The following KCNK1 variants were observed in gnomAD, a reference collection of about 807,000 sequenced individuals.
KCNK1 encodes potassium two pore domain channel subfamily K member 1.
KCNK1 carries 10 observed loss-of-function variants against 22.2 expected under a neutral mutation model. The ratio of observed to expected loss-of-function variants is 0.45; its 90% confidence interval spans 0.28 to 0.76. KCNK1 has a LOEUF of 0.76. Ranked by LOEUF, KCNK1 falls within the 30% of genes least tolerant of loss-of-function variation. KCNK1 has a pLI of 0.14. For missense variants in KCNK1, 378 were observed against 421.0 expected, an observed-to-expected ratio of 0.90 and a Z score of 0.89; for synonymous variants, 200 against 186.4, an observed-to-expected ratio of 1.07 and a Z score of -0.60.
chr1:233,653,023 C>T (rs1347019490), intron 1 of KCNK1, among the ~76,000 whole-genome samples: 1 of 152,218 alleles, frequency 6.6e-6, no homozygotes, highest in Non-Finnish European at 1.5e-5. Flanking sequence ...AGCCCCATCC[C>T]CCAGCCACCT....
rs1423408082 is a variant in KCNK1, at chr1:233,672,439, G to A, written c.*909G>A. 5 of 151,366 alleles carry A rather than the reference G, an allele frequency of 3.3e-5. No homozygotes were observed. Among genetic ancestry groups the A allele is most frequent in the Admixed American group, 6.6e-5 (1 of 15,138 alleles). The allele number at this position is 151,366 out of a possible 1,614,324, so 9.4% of individuals were successfully genotyped here. A position where few individuals can be genotyped will look rare whatever the true frequency, so the allele number is the denominator to read the frequency against. ...AGAACTTAAACACGAATCCCTAAATGAACAGATTATGTTACATTAATCTGA... is the reference window on the plus strand; with the variant it reads ...AGAACTTAAACACGAATCCCTAAATAAACAGATTATGTTACATTAATCTGA... On this transcript the variant is annotated 3_prime_UTR_variant, in exon 3 of 3. Transcript: ENST00000366621.
At chr1:233,648,162 G>T (rs1658130567) in intron 1 of KCNK1, among the ~76,000 whole-genome samples, 1 of 152,162 alleles carries the variant, frequency 6.6e-6, no homozygotes, top group Non-Finnish European at 1.5e-5. Context: ...TCCTGTTTAT[G>T]TGGTAAGATA....
intron 1 of KCNK1, among the ~76,000 whole-genome samples, chr1:233,654,430 A>G (rs748623514): frequency 2.6e-5 from 4 of 152,250 alleles, no homozygotes; most frequent in Admixed American, 6.5e-5. Context: ...TGCAGAAGGT[A>G]GAGCGGTGAA....
At chr1:233,614,782 C>A (rs3820134) in intron 1 of KCNK1, among the ~76,000 whole-genome samples, 49,993 of 152,000 alleles carry the variant, frequency 0.33, 8,416 homozygotes, top group South Asian at 0.41. Context: ...TGACTCCAGA[C>A]GTGACTTGGT....
At chr1:233,636,304 C>G (rs566570780) in intron 1 of KCNK1, among the ~76,000 whole-genome samples, 4 of 152,042 alleles carry the variant, frequency 2.6e-5, no homozygotes, top group African/African-American at 4.8e-5. Context: ...AGGCTGGGGC[C>G]GATCAGGGAG....
chr1:233,641,945 A>G (rs1368713378), intron 1 of KCNK1, among the ~76,000 whole-genome samples: 1 of 152,212 alleles, frequency 6.6e-6, no homozygotes, highest in Non-Finnish European at 1.5e-5. Context: ...ATTAGTGAAT[A>G]AAATTTGTTG....
In KCNK1 at chr1:233,663,088, C is replaced by T. The variant is rs1458526242; in HGVS notation, c.356-3507C>T. Among the ~76,000 whole-genome samples the T allele has an allele frequency of 5.9e-5, 9 of 152,150 alleles. 1 individual carries two copies. The highest frequency in any genetic ancestry group is 2.1e-4 in the South Asian group (1 of 4,824). The stretch of plus-strand genomic sequence containing the variant: ...AAAGTTTCCGTCAGATGCATTAAGC[C>T]GTCTACTGCAAACGAAGCGCTGTGT... On this transcript the variant is annotated intron_variant, in intron 1 of 2. Coordinates refer to ENST00000366621, the MANE Select transcript of KCNK1 (RefSeq NM_002245.4).
chr1:233,659,504 A>C (rs114190232), intron 1 of KCNK1, among the ~76,000 whole-genome samples: 169 of 151,696 alleles, frequency 1.1e-3, no homozygotes, highest in African/African-American at 4.0e-3. Flanking sequence ...TAAAATAATG[A>C]TAAAAATTAG....
At chr1:233,654,514 G>A (rs1463630500) in intron 1 of KCNK1, among the ~76,000 whole-genome samples, 3 of 152,272 alleles carry the variant, frequency 2.0e-5, no homozygotes, top group South Asian at 2.1e-4. Flanking sequence ...TCTCTTGACA[G>A]CCTACATTAA....
chr1:233,658,928 C>A (rs762134052), intron 1 of KCNK1, among the ~76,000 whole-genome samples: 9 of 152,120 alleles, frequency 5.9e-5, no homozygotes, highest in African/African-American at 2.2e-4. Flanking sequence ...GATTACTGTT[C>A]ACTACTGTAG....
rs1419862918 is a variant in KCNK1 at position 233,666,780 on chromosome 1, A to G, written c.541A>G (p.Ile181Val). 6.2e-7 allele frequency: 1 copy of G among 1,614,162 alleles called. No homozygotes were observed. Among genetic ancestry groups the G allele is most frequent in the Non-Finnish European group, 8.5e-7 (1 of 1,180,038 alleles). Reference sequence around the variant, plus strand: ...GGGCTTCTCCAAGCAGGTGGTGGCCATCGTCCATGCCGTGCTCCTTGGGTT... The same window carrying G: ...GGGCTTCTCCAAGCAGGTGGTGGCCGTCGTCCATGCCGTGCTCCTTGGGTT... ...RWGFSKQVVA[I>V]VHAVLLGFVT... Residue 181 changes from isoleucine to valine, a missense_variant, in exon 2 of 3, where the codon ATC becomes GTC. Coordinates refer to ENST00000366621, the MANE Select transcript of KCNK1 (RefSeq NM_002245.4).
At chr1:233,654,201 T>TG (rs1047241975) in intron 1 of KCNK1, among the ~76,000 whole-genome samples, 96 of 142,578 alleles carry the variant, frequency 6.7e-4, no homozygotes, top group African/African-American at 2.1e-3. Flanking sequence ...GCCATCGGGG[T>TG]GGGGGGGAAA....
intron 1 of KCNK1, among the ~76,000 whole-genome samples, chr1:233,623,526 T>A (rs575226425): frequency 2.0e-5 from 3 of 152,390 alleles, no homozygotes; most frequent in Admixed American, 1.3e-4. Context: ...TATTGAGGTA[T>A]CACTGTGTAC....
At chr1:233,645,339 C>T (rs75774514) in intron 1 of KCNK1, among the ~76,000 whole-genome samples, 3,506 of 152,224 alleles carry the variant, frequency 0.023, 133 homozygotes, top group African/African-American at 0.079. Context: ...TTGGAAAAAA[C>T]GTCCTTGTGG....
chr1:233,629,747 T>G (rs1657757448), intron 1 of KCNK1: 1 of 152,082 alleles, frequency 6.6e-6, no homozygotes, highest in Non-Finnish European at 1.5e-5. Flanking sequence ...GGTGTGATGC[T>G]CCGTAGTCGC....
At chr1:233,614,647 C>A in intron 1 of KCNK1, 121 bp downstream of exon 1, 1 of 757,920 alleles carries the variant, frequency 1.3e-6, no homozygotes, top group Non-Finnish European at 2.1e-6. Context: ...TTCGCCATCC[C>A]GGCTCCTCCA....
chr1:233,623,046 G>A (rs902968760), intron 1 of KCNK1, among the ~76,000 whole-genome samples: 5 of 152,112 alleles, frequency 3.3e-5, no homozygotes, highest in African/African-American at 1.2e-4. Context: ...CATGGCTGAT[G>A]CATTCAGAGG....
In KCNK1 at chr1:233,672,245, C is replaced by T. The variant is rs1658613099; in HGVS notation, c.*715C>T. On this transcript the variant is annotated 3_prime_UTR_variant, in exon 3 of 3. Transcript: ENST00000366621. The stretch of plus-strand genomic sequence containing the variant: ...CTTGAGAGTGAATAACCATAGTATT[C>T]TGCTGCAATAAATGTTTCTACCCTC... The T allele has an allele frequency of 6.6e-6, 1 of 152,422 alleles. No individual in the cohort carries two copies. The highest frequency in any genetic ancestry group is 2.4e-5 in the African/African-American group (1 of 41,386). The allele number at this position is 152,422 out of a possible 1,614,324, so 9.4% of individuals were successfully genotyped here. A position where few individuals can be genotyped will look rare whatever the true frequency, so the allele number is the denominator to read the frequency against.
Position 233,666,817 on chromosome 1 carries a change from C to T in KCNK1, c.578C>T (p.Ser193Phe), listed in dbSNP as rs1020586476. Reference sequence around the variant, plus strand: ...GTGCTCCTTGGGTTTGTCACTGTGTCCTGCTTCTTCTTCATCCCGGCCGCT... The same window carrying T: ...GTGCTCCTTGGGTTTGTCACTGTGTTCTGCTTCTTCTTCATCCCGGCCGCT... ...HAVLLGFVTV[S>F]CFFFIPAAVF... The change falls in exon 2 of 3, where the codon TCC becomes TTC. Residue 193 changes from serine (S) to phenylalanine (F), a missense_variant. By Grantham distance (155) the Ser-to-Phe change is radical. Transcript: ENST00000366621. 1 of 1,614,216 alleles carries T rather than the reference C, an allele frequency of 6.2e-7. No homozygotes were observed. The highest frequency in any genetic ancestry group is 8.5e-7 in the Non-Finnish European group (1 of 1,180,036).
Sources: gnomAD v4.1 joint callset for allele counts (sites outside exome capture counted in the v4.1 genomes callset) on GRCh38, gnomAD v4.1.1 for gene constraint, MANE v1.5 for transcripts, NCBI Gene and HGNC (gene_info 2026-07-23, HGNC 2026-07-21) for gene names.